The following PLAG1 variants were observed in gnomAD, a reference collection of about 807,000 sequenced individuals.
PLAG1 encodes the protein zinc finger protein PLAG1.
A neutral mutation model predicts 35.5 loss-of-function variants in PLAG1; 7 were observed. The observed-to-expected ratio is 0.20, with a 90% CI of 0.11 to 0.37. PLAG1 has a LOEUF of 0.37. Ranked by LOEUF, PLAG1 falls within the 10% of genes least tolerant of loss-of-function variation. The pLI, the probability that PLAG1 is intolerant of heterozygous loss-of-function variation, is 1.00. For synonymous variants in PLAG1, 229 were observed against 225.4 expected (o/e 1.02, Z -0.14); for missense variants, 454 against 602.8 (o/e 0.75, Z 2.58).
chr8:56,176,193 G>A (rs778243675), intron 2 of PLAG1, among the ~76,000 whole-genome samples: 2 of 151,878 alleles, frequency 1.3e-5, no homozygotes. Flanking sequence ...GGGATTACAG[G>A]CATGTACCAT....
intron 1 of PLAG1, among the ~76,000 whole-genome samples, chr8:56,183,740 T>G (rs1266322873): frequency 6.6e-6 from 1 of 152,178 alleles, no homozygotes; most frequent in Non-Finnish European, 1.5e-5. Flanking sequence ...AAAAATAATG[T>G]TTTTTTAACA....
Position 56,166,645 on chromosome 8 carries a change from C to T in PLAG1, c.1101G>A (p.Val367=). ...ESYLMELQGG[V]PSSSQDSQAS... ...CTTGAGAATCTTGGGATGAAGAGGG[C>T]ACGCCACCTTGTAACTCCATCAGGT... The change falls in exon 5 of 5, where the codon GTG becomes GTA. Residue 367 remains valine, a synonymous_variant. Transcript: ENST00000316981. 2 of 1,614,082 alleles carry T rather than the reference C, an allele frequency of 1.2e-6. No homozygotes were observed. Among genetic ancestry groups the T allele is most frequent in the Non-Finnish European group, 1.7e-6 (2 of 1,180,016 alleles).
At chr8:56,196,407 G>A (rs1013816936) in intron 1 of PLAG1, among the ~76,000 whole-genome samples, 2 of 152,150 alleles carry the variant, frequency 1.3e-5, no homozygotes, top group African/African-American at 2.4e-5. Context: ...TGATGCCTCC[G>A]CTGTATACTT....
rs978897821 is a variant in PLAG1, at chr8:56,179,479, T to G, written c.-287A>C. The G allele has an allele frequency of 1.1e-4, 112 of 979,204 alleles. No individual in the cohort carries two copies. The highest frequency in any genetic ancestry group is 1.3e-4 in the Non-Finnish European group (110 of 824,016). 60.7% of individuals were successfully genotyped at this position (979,204 alleles called of 1,614,324 possible). ...CCGTCACAGAATGAAGCATTCTGGG[T>G]GCCAAATACGGCCAAGGCAGCACCA... On this transcript the variant is annotated 5_prime_UTR_variant, in exon 2 of 5. Coordinates refer to ENST00000316981, the MANE Select transcript of PLAG1 (RefSeq NM_002655.3).
In PLAG1 at chr8:56,164,895, T is replaced by C. The variant is rs142929953; in HGVS notation, c.*1348A>G. 8 of 210,028 alleles carry C rather than the reference T, an allele frequency of 3.8e-5. No individual in the cohort carries two copies. Among genetic ancestry groups the C allele is most frequent in the Admixed American group, 2.4e-4 (4 of 17,004 alleles). 13.0% of individuals were successfully genotyped at this position (210,028 alleles called of 1,614,324 possible). ...CAATACTCCTATCATTTCCCAGAGA[T>C]GCATGAAAGTGGGATTTTACTGTAT... On this transcript the variant is annotated 3_prime_UTR_variant, in exon 5 of 5. Transcript: ENST00000316981.
intron 2 of PLAG1, among the ~76,000 whole-genome samples, chr8:56,178,674 G>T (rs1244286430): frequency 2.6e-5 from 4 of 151,948 alleles, no homozygotes; most frequent in Non-Finnish European, 4.4e-5. Context: ...CCATCCCCTG[G>T]TATCTGTCAC....
At chr8:56,185,937 A>G (rs1812005201) in intron 1 of PLAG1, among the ~76,000 whole-genome samples, 1 of 152,244 alleles carries the variant, frequency 6.6e-6, no homozygotes. Context: ...CTTGCCTTTG[A>G]TTAATTCAAT....
chr8:56,199,775 G>T (rs766943690), intron 1 of PLAG1, among the ~76,000 whole-genome samples: 3 of 152,142 alleles, frequency 2.0e-5, no homozygotes, highest in Non-Finnish European at 4.4e-5. Flanking sequence ...CATTACAGAG[G>T]AATCCAGAGG....
rs1010731318 is a variant in PLAG1 at position 56,162,640 on chromosome 8, T to C, written c.*3603A>G. 1.4e-5 allele frequency: 3 copies of C among 210,300 alleles called. No homozygotes were observed. Among genetic ancestry groups the C allele is most frequent in the Admixed American group, 5.9e-5 (1 of 16,978 alleles). The allele number at this position is 210,300 out of a possible 1,614,324, so 13.0% of individuals were successfully genotyped here. On this transcript the variant is annotated 3_prime_UTR_variant, in exon 5 of 5. Transcript: ENST00000316981. ...GCTATATCTTGTAATATGTGTAGTA[T>C]AGAGGTTGACCAAGCTCTATTTTTT...
Position 56,168,015 on chromosome 8 carries a change from TAG to T in PLAG1, c.242+11_242+12del, listed in dbSNP as rs775341761. The T allele has an allele frequency of 7.5e-7, 1 of 1,336,092 alleles. No homozygotes were observed. The highest frequency in any genetic ancestry group is 1.1e-6 in the Non-Finnish European group (1 of 949,492). 82.8% of individuals were successfully genotyped at this position (1,336,092 alleles called of 1,614,324 possible). On this transcript the variant is annotated intron_variant, in intron 4 of 4. Transcript: ENST00000316981. ...GAGAAAATATAATCTGAAAGACAAA[TAG>T]AGTTTAATACCTTTGTAATTTGTAC...
intron 1 of PLAG1, among the ~76,000 whole-genome samples, chr8:56,202,487 T>A (rs1812582192): frequency 6.6e-6 from 1 of 152,236 alleles, no homozygotes; most frequent in African/African-American, 2.4e-5. Context: ...TAGGACAAAC[T>A]TAGACATGCG....
chr8:56,166,163 A>C lies in PLAG1; in HGVS notation c.*80T>G. 1 of 1,000,698 alleles carries C rather than the reference A, an allele frequency of 1.0e-6. No individual in the cohort carries two copies. Among genetic ancestry groups the C allele is most frequent in the Non-Finnish European group, 1.5e-6 (1 of 678,108 alleles). 62.0% of individuals were successfully genotyped at this position (1,000,698 alleles called of 1,614,324 possible). On this transcript the variant is annotated 3_prime_UTR_variant, in exon 5 of 5. Coordinates refer to ENST00000316981, the MANE Select transcript of PLAG1 (RefSeq NM_002655.3). Reference sequence around the variant, plus strand: ...AAAGCAGAAATTTTTATACTGTTTTAAAGTAGGCACTAAAATAAAAATGGT... The same window carrying C: ...AAAGCAGAAATTTTTATACTGTTTTCAAGTAGGCACTAAAATAAAAATGGT...
intron 1 of PLAG1, among the ~76,000 whole-genome samples, chr8:56,204,711 AAAT>A (rs1812650234): frequency 6.6e-6 from 1 of 151,926 alleles, no homozygotes; most frequent in African/African-American, 2.4e-5. Context: ...AAAAGATAGG[AAAT>A]CACAATCAAT....
At chr8:56,200,074 C>T (rs1812506263) in intron 1 of PLAG1, among the ~76,000 whole-genome samples, 1 of 152,140 alleles carries the variant, frequency 6.6e-6, no homozygotes, top group African/African-American at 2.4e-5. Flanking sequence ...TCTGCTCACC[C>T]CTGACACCCT....
At chr8:56,205,715 C>CA (rs1241114508) in intron 1 of PLAG1, among the ~76,000 whole-genome samples, 3 of 151,636 alleles carry the variant, frequency 2.0e-5, no homozygotes, top group Middle Eastern at 3.4e-3. Context: ...TAAAAGGCAC[C>CA]AAAAAAAATT....
At chr8:56,182,960 G>C (rs1811915479) in intron 1 of PLAG1, among the ~76,000 whole-genome samples, 1 of 152,166 alleles carries the variant, frequency 6.6e-6, no homozygotes, top group African/African-American at 2.4e-5. Flanking sequence ...GGTAGCAAAG[G>C]CAAGAAATGC....
rs552372935 is a variant in PLAG1 at position 56,183,969 on chromosome 8, C to G, written c.-321-4456G>C. ...AAAAGCACAACCCATAAAATAAACA[C>G]ACTGATAAGTCGGATTTCATCAAAA... On this transcript the variant is annotated intron_variant, in intron 1 of 4. Transcript: ENST00000316981. Among the ~76,000 whole-genome samples the G allele has an allele frequency of 1.8e-4, 27 of 152,240 alleles. No homozygotes were observed. In the South Asian group the frequency reaches 5.6e-3, roughly 32 times the overall value.
chr8:56,203,958 G>C (rs939508942), intron 1 of PLAG1, among the ~76,000 whole-genome samples: 1 of 151,876 alleles, frequency 6.6e-6, no homozygotes, highest in South Asian at 2.1e-4. Context: ...TCATGTTTGA[G>C]GTGTAGCTTA....
In PLAG1 at chr8:56,162,666, A is replaced by T. The variant is rs74704997; in HGVS notation, c.*3577T>A. On this transcript the variant is annotated 3_prime_UTR_variant, in exon 5 of 5. Coordinates refer to ENST00000316981, the MANE Select transcript of PLAG1 (RefSeq NM_002655.3). ...AGAGGTTGACCAAGCTCTATTTTTT[A>T]AAAAAATATTGGCCTATAATATGTG... 2,103 of 210,218 alleles carry T rather than the reference A, an allele frequency of 0.01. 47 individuals are homozygous for T. Among genetic ancestry groups the T allele is most frequent in the African/African-American group, 0.043 (1,915 of 44,168 alleles). 13.0% of individuals were successfully genotyped at this position (210,218 alleles called of 1,614,324 possible).
Sources: gnomAD v4.1 joint callset for allele counts (sites outside exome capture counted in the v4.1 genomes callset) on GRCh38, gnomAD v4.1.1 for gene constraint, MANE v1.5 for transcripts, NCBI Gene and HGNC (gene_info 2026-07-23, HGNC 2026-07-21) for gene names.